Variants in GABRA1 observed in about 807,000 individuals in gnomAD.
The protein encoded by GABRA1 is gamma-aminobutyric acid receptor subunit alpha-1.
In GABRA1, 9 loss-of-function variants were observed where a neutral mutation model predicts 48.9. That is an observed-to-expected ratio of 0.18 (90% CI 0.11 to 0.32). GABRA1 has a LOEUF of 0.32. Ranked by LOEUF, GABRA1 falls within the 10% of genes least tolerant of loss-of-function variation. The pLI is 1.00. For missense variants in GABRA1, 285 were observed against 553.8 expected (o/e 0.51, Z 4.87); for synonymous variants, 210 against 198.7 (o/e 1.06, Z -0.48).
At chr5:161,894,152 C>A (rs568500289) in intron 8 of GABRA1, among the ~76,000 whole-genome samples, 1 of 152,228 alleles carries the variant, frequency 6.6e-6, no homozygotes, top group South Asian at 2.1e-4. Context: ...GAGCTAAACA[C>A]TTCATTGCAT....
intron 3 of GABRA1, among the ~76,000 whole-genome samples, chr5:161,858,634 T>A (rs1278085948): frequency 6.6e-6 from 1 of 151,770 alleles, no homozygotes; most frequent in African/African-American, 2.4e-5. Context: ...TTACAAAAGA[T>A]GTATTATTCT....
At chr5:161,879,855 T>C (rs1754534739) in intron 6 of GABRA1, among the ~76,000 whole-genome samples, 1 of 152,180 alleles carries the variant, frequency 6.6e-6, no homozygotes, top group Non-Finnish European at 1.5e-5. Flanking sequence ...TAACACATTT[T>C]TCCCCCTCTA....
intron 3 of GABRA1, among the ~76,000 whole-genome samples, chr5:161,865,309 T>C (rs1262263365): frequency 6.6e-6 from 1 of 152,110 alleles, no homozygotes; most frequent in Non-Finnish European, 1.5e-5. Flanking sequence ...CTTGCTAAAG[T>C]ACACTATCTA....
At chr5:161,865,087 C>A (rs1177469933) in intron 3 of GABRA1, among the ~76,000 whole-genome samples, 1 of 151,816 alleles carries the variant, frequency 6.6e-6, no homozygotes, top group Admixed American at 6.6e-5. Flanking sequence ...CATCAGAGAA[C>A]AATATAATAA....
chr5:161,847,793 T>C (rs747839161), upstream of GABRA1: 1 of 152,190 alleles, frequency 6.6e-6, no homozygotes, highest in Non-Finnish European at 1.5e-5. Flanking sequence ...AAAGGTAGAA[T>C]AGTTGCACTA....
At chr5:161,857,728 G>T (rs1392283286) in intron 3 of GABRA1, among the ~76,000 whole-genome samples, 1 of 151,554 alleles carries the variant, frequency 6.6e-6, no homozygotes, top group Non-Finnish European at 1.5e-5. Context: ...TGTCAATGAA[G>T]ACACTTTTAA....
chr5:161,860,001 G>T (rs1356934261), intron 3 of GABRA1, among the ~76,000 whole-genome samples: 3 of 151,724 alleles, frequency 2.0e-5, no homozygotes, highest in African/African-American at 7.3e-5. Context: ...AAGGTATGGA[G>T]CAGATGCTCA....
chr5:161,854,463 G>T (rs1757570725), intron 3 of GABRA1, among the ~76,000 whole-genome samples, 193 bp downstream of exon 3: 1 of 151,668 alleles, frequency 6.6e-6, no homozygotes, highest in African/African-American at 2.4e-5. Context: ...GTAAAAGGCA[G>T]ACACAAACTT....
intron 1 of GABRA1, chr5:161,850,203 C>T (rs140059773): frequency 1.2e-3 from 196 of 156,904 alleles, no homozygotes; most frequent in Middle Eastern, 3.2e-3. Context: ...AAAGCAGTCA[C>T]AGGAACAGAA....
At chr5:161,886,806 A>G (rs1398449364) in intron 7 of GABRA1, among the ~76,000 whole-genome samples, 2 of 151,994 alleles carry the variant, frequency 1.3e-5, no homozygotes, top group Non-Finnish European at 2.9e-5. Context: ...TAATACTAAT[A>G]GTAAAGCTAG....
chr5:161,875,704 T>A, intron 6 of GABRA1, 62 bp downstream of exon 6: 1 of 1,238,212 alleles, frequency 8.1e-7, no homozygotes, highest in Non-Finnish European at 1.2e-6. Context: ...TCTCTAGCTA[T>A]ATCTGTGAGA....
At position 161,889,603 on chromosome 5, in the gene GABRA1, G is replaced by C. The variant is rs371160522; in HGVS notation, c.704-1295G>C. 5.2e-4 allele frequency among the ~76,000 whole-genome samples: 79 copies of C among 152,170 alleles called. 1 individual carries two copies. The South Asian group carries it at 0.016, about 30-fold the overall frequency. ...TTGTAGGCCAATATATTGAGATGTTGAAATATTCGAAGAGACAAGAGAATT... is the reference window on the plus strand; with the variant it reads ...TTGTAGGCCAATATATTGAGATGTTCAAATATTCGAAGAGACAAGAGAATT... On this transcript the variant is annotated intron_variant, in intron 7 of 9. Coordinates refer to ENST00000393943, the MANE Select transcript of GABRA1 (RefSeq NM_001127644.2).
chr5:161,891,402 T>C (rs1755083040), intron 8 of GABRA1, among the ~76,000 whole-genome samples: 1 of 152,154 alleles, frequency 6.6e-6, no homozygotes, highest in Admixed American at 6.6e-5. Flanking sequence ...CACTGAGTTG[T>C]TCGAGAAGCT....
At chr5:161,862,791 A>G (rs1372915985) in intron 3 of GABRA1, among the ~76,000 whole-genome samples, 1 of 151,992 alleles carries the variant, frequency 6.6e-6, no homozygotes, top group Non-Finnish European at 1.5e-5. Context: ...TTGGCACCAC[A>G]GTGTTATTTG....
At chr5:161,880,311 TA>T (rs1268618157) in intron 6 of GABRA1, among the ~76,000 whole-genome samples, 1 of 152,134 alleles carries the variant, frequency 6.6e-6, no homozygotes, top group Non-Finnish European at 1.5e-5. Context: ...ATGCTTCCAT[TA>T]AAAAACAATA....
chr5:161,850,919 T>A (rs1194963573), intron 2 of GABRA1, 35 bp downstream of exon 2: 1 of 1,546,668 alleles, frequency 6.5e-7, no homozygotes, highest in Admixed American at 1.7e-5. Flanking sequence ...GCATGAAAAT[T>A]TCTGTAACTT....
At chr5:161,888,921 T>C (rs1013908785) in intron 7 of GABRA1, among the ~76,000 whole-genome samples, 3 of 152,062 alleles carry the variant, frequency 2.0e-5, no homozygotes, top group African/African-American at 7.2e-5. Context: ...ATTTTCACTA[T>C]ATGAAGGTAT....
At chr5:161,868,138 G>A (rs1753952330) in intron 4 of GABRA1, among the ~76,000 whole-genome samples, 1 of 152,002 alleles carries the variant, frequency 6.6e-6, no homozygotes, top group African/African-American at 2.4e-5. Context: ...CAATAGGGTA[G>A]AAGGCATGGG....
intron 9 of GABRA1, among the ~76,000 whole-genome samples, chr5:161,896,771 A>G (rs1016349787): frequency 5.3e-5 from 8 of 152,186 alleles, no homozygotes; most frequent in Middle Eastern, 3.2e-3. Context: ...TTTCCTGGTC[A>G]CAGCATATTA....
Sources: allele counts gnomAD v4.1 joint callset (sites outside exome capture counted in the v4.1 genomes callset), GRCh38; gene constraint gnomAD v4.1.1; transcripts MANE v1.5; gene names NCBI Gene and HGNC (gene_info 2026-07-23, HGNC 2026-07-21).